Variants in BIN1 observed in about 807,000 individuals in gnomAD.
The protein encoded by BIN1 is myc box-dependent-interacting protein 1.
A neutral mutation model predicts 82.0 loss-of-function variants in BIN1; 53 were observed. The ratio of observed to expected loss-of-function variants is 0.65; its 90% confidence interval spans 0.52 to 0.81. The LOEUF (loss-of-function observed/expected upper bound fraction) is 0.81, where lower values mean the gene tolerates loss of function less well. Ranked by LOEUF, BIN1 falls within the 40% of genes least tolerant of loss-of-function variation. The probability of loss-of-function intolerance (pLI) is 0.00; values close to 1 mark genes in which losing one functional copy is unlikely to be tolerated. For synonymous variants in BIN1, 302 were observed against 328.0 expected, an observed-to-expected ratio of 0.92 and a Z score of 0.86; for missense variants, 642 against 784.4, an observed-to-expected ratio of 0.82 and a Z score of 2.17.
chr2:127,094,547 C>A, intron 1 of BIN1, among the ~76,000 whole-genome samples: 1 of 152,128 alleles, frequency 6.6e-6, no homozygotes, highest in Middle Eastern at 3.4e-3. Flanking sequence ...CTGGGAGCTC[C>A]GGTCCCTCTG....
At chr2:127,104,466 G>C (rs537138250) in intron 1 of BIN1, among the ~76,000 whole-genome samples, 1 of 152,274 alleles carries the variant, frequency 6.6e-6, no homozygotes, top group East Asian at 1.9e-4. Context: ...GTGAAGGGTG[G>C]ATGCAAGATA....
chr2:127,057,563 G>A lies in BIN1; in HGVS notation c.1041C>T (p.His347=), dbSNP rs369899674. 1 of 1,542,526 alleles carries A rather than the reference G, an allele frequency of 6.5e-7. No individual in the cohort carries two copies. Among genetic ancestry groups the A allele is most frequent in the South Asian group, 1.2e-5 (1 of 83,228 alleles). The change falls in exon 12 of 19, where the codon CAC becomes CAT. Residue 347 remains histidine (H), a synonymous_variant. Transcript: ENST00000316724. This position sits in a 1 kb window ranked among gnomAD's most constrained non-coding sequence, Gnocchi z 5.0. ...CCTGCTTGACTTCCTTGGACGGGGT[G>A]TGTTTGGGAGGCGGAGGGACTGGTG... The part of the protein sequence containing the change: ...KGPPVPPPPK[H]TPSKEVKQEQ...
intron 13 of BIN1, 86 bp from the exon 14 acceptor site, chr2:127,053,531 G>GCT: frequency 1.3e-6 from 2 of 1,536,570 alleles, no homozygotes; most frequent in Non-Finnish European, 1.8e-6. Context: ...CCCTACCCCC[G>GCT]CTCGCCCCAG....
At chr2:127,103,874 G>A (rs1463044408) in intron 1 of BIN1, among the ~76,000 whole-genome samples, 1 of 152,366 alleles carries the variant, frequency 6.6e-6, no homozygotes, top group Non-Finnish European at 1.5e-5. Flanking sequence ...ACCTCACGGC[G>A]CCCACAGGCT....
At chr2:127,101,008 G>GGGGGGC (rs1420447028) in intron 1 of BIN1, among the ~76,000 whole-genome samples, 1 of 138,088 alleles carries the variant, frequency 7.2e-6, no homozygotes, top group Non-Finnish European at 1.6e-5. Flanking sequence ...GCGGGGGGTG[G>GGGGGGC]GGATAGACTC....
Position 127,068,364 on chromosome 2 carries a change from G to T in BIN1, c.520-109C>A. The T allele has an allele frequency of 1.2e-6, 1 of 820,250 alleles. No individual in the cohort carries two copies. The highest frequency in any genetic ancestry group is 2.0e-6 in the Non-Finnish European group (1 of 512,544). 50.8% of individuals were successfully genotyped at this position (820,250 alleles called of 1,614,324 possible). On this transcript the variant is annotated intron_variant, in intron 6 of 18. Transcript: ENST00000316724. This position sits in a 1 kb window ranked among gnomAD's most constrained non-coding sequence, Gnocchi z 4.9. ...AGGTCCACACGCCCCACGCGCGGGG[G>T]CCACCCCAAGCAGATATGGGCCCTT...
intron 9 of BIN1, among the ~76,000 whole-genome samples, chr2:127,062,767 C>T (rs1188021860): frequency 6.6e-6 from 1 of 152,188 alleles, no homozygotes; most frequent in Non-Finnish European, 1.5e-5. Context: ...ATAAATGTTC[C>T]TTCTCTGAAA....
intron 4 of BIN1, 152 bp downstream of exon 4, chr2:127,070,401 C>T (rs1685722187): frequency 1.4e-5 from 13 of 927,782 alleles, no homozygotes; most frequent in Admixed American, 2.0e-5. Context: ...GGAGAAAGGC[C>T]CTCAGAGAGG....
chr2:127,086,936 T>A (rs1174382522), intron 1 of BIN1, among the ~76,000 whole-genome samples: 1 of 152,058 alleles, frequency 6.6e-6, no homozygotes, highest in African/African-American at 2.4e-5. Flanking sequence ...CTCATCACAC[T>A]TTTCCGTGGT....
At chr2:127,060,572 C>T (rs998063354) in intron 10 of BIN1, 1 of 1,613,922 alleles carries the variant, frequency 6.2e-7, no homozygotes, top group African/African-American at 1.3e-5. Flanking sequence ...CTCTGCGCCC[C>T]TCCGCAGCAC....
At chr2:127,091,401 T>C (rs1289638547) in intron 1 of BIN1, among the ~76,000 whole-genome samples, 1 of 152,184 alleles carries the variant, frequency 6.6e-6, no homozygotes, top group Admixed American at 6.5e-5. Context: ...GGGCTCCCCA[T>C]CTTTGCCGAT....
chr2:127,075,887 C>G (rs1686540255), intron 2 of BIN1, among the ~76,000 whole-genome samples: 1 of 148,870 alleles, frequency 6.7e-6, no homozygotes, highest in African/African-American at 2.5e-5. Flanking sequence ...AGAATGCTCC[C>G]AGCCCTCCCA....
chr2:127,091,435 C>T lies in BIN1; in HGVS notation c.85-14729G>A, dbSNP rs570053709. Among the ~76,000 whole-genome samples, 7 of 152,364 alleles carry T rather than the reference C, an allele frequency of 4.6e-5. No homozygotes were observed. The East Asian group carries it at 1.3e-3, about 29-fold the overall frequency. ...ATGCAGAAACAAAAGCCAAGGCTGGCAGGTTCTGAGTCCCAGAGAAGAGGA... is the reference window on the plus strand; with the variant it reads ...ATGCAGAAACAAAAGCCAAGGCTGGTAGGTTCTGAGTCCCAGAGAAGAGGA... On this transcript the variant is annotated intron_variant, in intron 1 of 18. Transcript: ENST00000316724.
rs148179522 is a variant in BIN1, at chr2:127,063,956, C to T, written c.675G>A (p.Glu225=). ...ACCTGTTCCACAGGGACGGCAGCTC[C>T]TCCTGCAGATCCACATTCATCTCCT... is the stretch of plus-strand genomic sequence containing the variant. ...VFEEMNVDLQ[E]ELPSLWNSRV... The change falls in exon 8 of 19, where the codon GAG becomes GAA. Residue 225 remains glutamate (E), a synonymous_variant. Transcript: ENST00000316724. 6.5e-5 allele frequency: 105 copies of T among 1,613,748 alleles called. No homozygotes were observed. The highest frequency in any genetic ancestry group is 8.4e-5 in the Non-Finnish European group (99 of 1,179,992).
At chr2:127,092,316 T>A (rs72838205) in intron 1 of BIN1, among the ~76,000 whole-genome samples, 2,141 of 152,240 alleles carry the variant, frequency 0.014, 31 homozygotes, top group Non-Finnish European at 0.022. Context: ...CCCCACCCGA[T>A]TAAGGATGTC....
At chr2:127,088,905 T>C (rs1387952975) in intron 1 of BIN1, among the ~76,000 whole-genome samples, 5 of 151,934 alleles carry the variant, frequency 3.3e-5, no homozygotes, top group Non-Finnish European at 1.5e-5. Context: ...GACAGAGAAC[T>C]CAGTGAGTGC....
chr2:127,066,829 G>T (rs1685200434), intron 7 of BIN1, among the ~76,000 whole-genome samples: 1 of 152,224 alleles, frequency 6.6e-6, no homozygotes. Context: ...CCAGCACTTT[G>T]GGAGGCCGAG....
At position 127,060,513 on chromosome 2, in the gene BIN1, C is replaced by T. The variant is rs554057046; in HGVS notation, c.858-1358G>A. On this transcript the variant is annotated intron_variant, in intron 10 of 18. Coordinates refer to ENST00000316724, the MANE Select transcript of BIN1 (RefSeq NM_139343.3). ...GAGCCAGATTACGGGTTAGTGGCAC[C>T]TGGGAGCAGGGCGCAAGGCGCATGC... 94 of 1,595,188 alleles carry T rather than the reference C, an allele frequency of 5.9e-5. No homozygotes were observed. The African/African-American group carries it at 1.1e-3, about 19-fold the overall frequency.
intron 10 of BIN1, 118 bp downstream of exon 10, chr2:127,061,997 C>T (rs1684556588): frequency 3.3e-6 from 4 of 1,219,076 alleles, no homozygotes; most frequent in African/African-American, 1.5e-5. Flanking sequence ...AGGAAGGTCC[C>T]TAGACCCCCA....
Sources: allele counts gnomAD v4.1 joint callset (sites outside exome capture counted in the v4.1 genomes callset), GRCh38; gene constraint gnomAD v4.1.1; non-coding constraint Gnocchi (gnomAD v3.1); transcripts MANE v1.5; gene names NCBI Gene and HGNC (gene_info 2026-07-23, HGNC 2026-07-21).